Variants in SOX5 observed in about 807,000 individuals in gnomAD.
The protein encoded by SOX5 is SRY-box transcription factor 5.
SOX5 carries 9 observed loss-of-function variants against 92.0 expected under a neutral mutation model. The ratio of observed to expected loss-of-function variants is 0.10; its 90% CI spans 0.06 to 0.17. The LOEUF is 0.17. Among genes scored for constraint, SOX5 ranks in the 10% least tolerant of loss-of-function variants. The pLI, the probability that SOX5 is intolerant of heterozygous loss-of-function variation, is 1.00. For synonymous variants in SOX5, 344 were observed against 336.3 expected, an observed-to-expected ratio of 1.02 and a Z score of -0.25; for missense variants, 642 against 944.5, an observed-to-expected ratio of 0.68 and a Z score of 4.20.
intron 1 of SOX5, among the ~76,000 whole-genome samples, chr12:24,540,815 T>C (rs1952054632): frequency 6.6e-6 from 1 of 152,188 alleles, no homozygotes; most frequent in Non-Finnish European, 1.5e-5. Flanking sequence ...TTTTCAAAAA[T>C]CAAACTCTGT....
Position 24,557,466 on chromosome 12 carries a change from G to A in SOX5, c.-251+4863C>T, listed in dbSNP as rs186341124. Among the ~76,000 whole-genome samples the A allele has an allele frequency of 2.0e-4, 31 of 151,748 alleles. No individual in the cohort carries two copies. The South Asian group carries it at 5.4e-3, about 27-fold the overall frequency. On this transcript the variant is annotated intron_variant, in intron 1 of 4. Coordinates refer to the SOX5 transcript ENST00000446891. Reference sequence around the variant, plus strand: ...AAGAAAAAAAAGGAGGTAGAACCCTGTAAGTTCAGATCTCTAAATAACGTT... The same window carrying A: ...AAGAAAAAAAAGGAGGTAGAACCCTATAAGTTCAGATCTCTAAATAACGTT...
chr12:24,024,773 C>G (rs1857559257), intron 4 of SOX5, among the ~76,000 whole-genome samples: 1 of 151,966 alleles, frequency 6.6e-6, no homozygotes, highest in Admixed American at 6.6e-5. Context: ...CATAACATGA[C>G]CAATCTGTAA....
chr12:23,828,056 G>A (rs1270766093), intron 3 of SOX5, among the ~76,000 whole-genome samples: 5 of 152,168 alleles, frequency 3.3e-5, no homozygotes, highest in Admixed American at 1.3e-4. Context: ...GACAGACCAC[G>A]TATACATCAG....
chr12:23,607,793 G>A (rs1223209073), intron 8 of SOX5, among the ~76,000 whole-genome samples: 2 of 152,104 alleles, frequency 1.3e-5, no homozygotes, highest in Non-Finnish European at 1.5e-5. Flanking sequence ...ATGTTTGTAC[G>A]TATGTATGCC....
At chr12:23,700,536 C>T (rs771579012) in intron 6 of SOX5, among the ~76,000 whole-genome samples, 2 of 152,036 alleles carry the variant, frequency 1.3e-5, no homozygotes, top group Non-Finnish European at 2.9e-5. Context: ...CAAGTAAAGG[C>T]CTCACAATTT....
intron 3 of SOX5, among the ~76,000 whole-genome samples, chr12:23,829,268 G>T (rs1482963573): frequency 6.6e-6 from 1 of 152,156 alleles, no homozygotes; most frequent in African/African-American, 2.4e-5. Flanking sequence ...CCTGACAAGT[G>T]CCTCAAGGGT....
chr12:23,677,062 C>G (rs930439481), intron 6 of SOX5, among the ~76,000 whole-genome samples: 1 of 152,158 alleles, frequency 6.6e-6, no homozygotes, highest in Admixed American at 6.5e-5. Flanking sequence ...ATAGTAGCAA[C>G]TAGCTTATTA....
At chr12:24,257,605 A>G (rs937266176) in intron 3 of SOX5, among the ~76,000 whole-genome samples, 11 of 151,976 alleles carry the variant, frequency 7.2e-5, no homozygotes, top group African/African-American at 2.7e-4. Flanking sequence ...AGTAGCTAGG[A>G]TTACAGGCAC....
intron 1 of SOX5, among the ~76,000 whole-genome samples, chr12:24,524,295 T>A (rs1950501108): frequency 6.6e-6 from 1 of 152,166 alleles, no homozygotes; most frequent in African/African-American, 2.4e-5. Flanking sequence ...ATGGGACTTC[T>A]CATCCTCCAT....
chr12:23,632,020 A>C (rs2078603911), intron 8 of SOX5: 1 of 152,162 alleles, frequency 6.6e-6, no homozygotes. Flanking sequence ...AAAGTCAGAG[A>C]AAATGTTGGC....
chr12:24,559,679 T>C (rs1178270054), intron 1 of SOX5, among the ~76,000 whole-genome samples: 1 of 152,150 alleles, frequency 6.6e-6, no homozygotes, highest in East Asian at 1.9e-4. Flanking sequence ...TTATCACTCA[T>C]AACTCACCCC....
rs553875148 is a variant in SOX5, at chr12:24,553,643, TATTTCGAAAACCTTTC to T, written c.-251+8670_-251+8685del. Among the ~76,000 whole-genome samples, 761 of 152,268 alleles carry T rather than the reference TATTTCGAAAACCTTTC, an allele frequency of 5.0e-3. 3 individuals carry two copies. The highest frequency in any genetic ancestry group is 0.014 in the Middle Eastern group (4 of 294). On this transcript the variant is annotated intron_variant, in intron 1 of 4. Coordinates refer to the SOX5 transcript ENST00000446891. ...ACCCATTTCAAATCAGGCAGCAGAG[TATTTCGAAAACCTTTC>T]ATTTCATGCAGTGAGTCCAACACAA...
intron 3 of SOX5, among the ~76,000 whole-genome samples, chr12:23,814,808 G>GA (rs1429401630): frequency 6.6e-6 from 1 of 152,038 alleles, no homozygotes; most frequent in Non-Finnish European, 1.5e-5. Context: ...GGAAAAGGTA[G>GA]AAAAAATGTA....
At chr12:24,280,747 GT>G (rs542918746) in intron 2 of SOX5, among the ~76,000 whole-genome samples, 76 of 151,744 alleles carry the variant, frequency 5.0e-4, no homozygotes, top group African/African-American at 1.7e-3. Flanking sequence ...TTATGAGAGG[GT>G]TTTATGTTTA....
rs570896637 is a variant in SOX5, at chr12:24,159,368, T to TA, written c.-2+53974dup. Among the ~76,000 whole-genome samples, 709 of 152,030 alleles carry TA rather than the reference T, an allele frequency of 4.7e-3. 2 individuals are homozygous for TA. The highest frequency in any genetic ancestry group is 0.016 in the African/African-American group (655 of 41,548). ...ACAAATTCAACTCTCTGTTCTTAAA[T>TA]AAAAAATTGCTGAAAATAATTTGAA... On this transcript the variant is annotated intron_variant, in intron 4 of 4. Transcript: ENST00000446891.
intron 12 of SOX5, among the ~76,000 whole-genome samples, chr12:23,546,087 CT>C (rs900502251): frequency 3.9e-5 from 6 of 152,212 alleles, no homozygotes; most frequent in African/African-American, 1.4e-4. Context: ...GGCTCAGGCT[CT>C]TTCTCTGCAA....
chr12:24,501,213 A>G (rs754139263), intron 1 of SOX5, among the ~76,000 whole-genome samples: 15 of 152,148 alleles, frequency 9.9e-5, no homozygotes, highest in Non-Finnish European at 1.5e-4. Flanking sequence ...TAATTAATTC[A>G]TACACAGCAC....
Position 24,276,887 on chromosome 12 carries a change from C to A in SOX5, c.-77+329G>T, listed in dbSNP as rs981674857. On this transcript the variant is annotated intron_variant, in intron 3 of 4. Transcript: ENST00000446891. ...TGAAGCAACAACAAAAAAGTAGCAA[C>A]AAATGTTTCAAAAAACATTTTTCAG... is the stretch of plus-strand genomic sequence containing the variant. 2.6e-5 allele frequency among the ~76,000 whole-genome samples: 4 copies of A among 152,072 alleles called. No homozygotes were observed. In the East Asian group the frequency reaches 7.7e-4, roughly 29 times the overall value.
chr12:23,628,025 C>G lies in SOX5; in HGVS notation c.1017+12787G>C, dbSNP rs145491676. The stretch of plus-strand genomic sequence containing the variant: ...ACAAAAACATCAAAATTCAAAATTT[C>G]TCTGGAAGAAAACCAGCAGCAGCAT... On this transcript the variant is annotated intron_variant, in intron 8 of 14. Transcript: ENST00000451604. 3.3e-3 allele frequency among the ~76,000 whole-genome samples: 507 copies of G among 152,094 alleles called. 5 individuals are homozygous for G. In the East Asian group the frequency reaches 0.036, roughly 11 times the overall value.
Sources: gnomAD v4.1 joint callset for allele counts (sites outside exome capture counted in the v4.1 genomes callset) on GRCh38, gnomAD v4.1.1 for gene constraint, MANE v1.5 for transcripts, NCBI Gene and HGNC (gene_info 2026-07-23, HGNC 2026-07-21) for gene names.